Variants in PCBP3 observed in about 807,000 individuals in gnomAD.
PCBP3 encodes the protein poly(rC) binding protein 3, also known as poly(rC)-binding protein 3.
Under a neutral mutation model 52.7 loss-of-function variants are expected in PCBP3, and 25 were observed. That is an observed-to-expected ratio of 0.47 (90% confidence interval 0.35 to 0.66). The LOEUF is 0.66. Among genes scored for constraint, PCBP3 ranks in the 30% least tolerant of loss-of-function variants. PCBP3 has a pLI of 0.01. For synonymous variants in PCBP3, 162 were observed against 183.0 expected (o/e 0.89, Z 0.93); for missense variants, 391 against 490.3 (o/e 0.80, Z 1.91).
intron 2 of PCBP3, among the ~76,000 whole-genome samples, chr21:45,725,512 G>A: frequency 6.6e-6 from 1 of 152,220 alleles, no homozygotes; most frequent in East Asian, 1.9e-4. Flanking sequence ...AGAAGACTGT[G>A]GGGGCAGTGC....
intron 4 of PCBP3, among the ~76,000 whole-genome samples, chr21:45,772,949 T>A (rs2089990446): frequency 6.6e-6 from 1 of 152,190 alleles, no homozygotes; most frequent in Admixed American, 6.5e-5. Flanking sequence ...CCCTTTTGAT[T>A]GAGTTCCCTT....
chr21:45,809,441 A>T (rs2092612869), intron 4 of PCBP3, among the ~76,000 whole-genome samples: 1 of 152,152 alleles, frequency 6.6e-6, no homozygotes, highest in Non-Finnish European at 1.5e-5. Context: ...TACGGGAGAT[A>T]AAGAGGGGGT....
chr21:45,816,025 AGTG>A lies in PCBP3; in HGVS notation c.-125-33932_-125-33930del, dbSNP rs1480774343. Among the ~76,000 whole-genome samples the A allele has an allele frequency of 6.6e-4, 80 of 121,290 alleles. 1 individual carries two copies. The highest frequency in any genetic ancestry group is 5.4e-3 in the Middle Eastern group (1 of 184). 79.6% of individuals were successfully genotyped at this position (121,290 alleles called of 152,430 possible). A position where few individuals can be genotyped will look rare whatever the true frequency, so the allele number is the denominator to read the frequency against. ...AGTGGTGAGTGAGTGGTGAGTAGTG[AGTG>A]GTGAGTGGTGAGTGAGTGGTGAGTG... On this transcript the variant is annotated intron_variant, in intron 4 of 17. Transcript: ENST00000681687.
In PCBP3 at chr21:45,736,721, CAA is replaced by C. The variant is rs2085896141; in HGVS notation, c.-162+1294_-162+1295del. Reference sequence around the variant, plus strand: ...AGTTCTTACTAACAAATTACTTGAACAAAGACTTTGTTTGTTCCTTCATTCGT... The same window carrying C: ...AGTTCTTACTAACAAATTACTTGAACAGACTTTGTTTGTTCCTTCATTCGT... On this transcript the variant is annotated intron_variant, in intron 3 of 17. Transcript: ENST00000681687. The surrounding 1 kb of genome is among the most constrained non-coding windows in gnomAD (Gnocchi z 4.6). Among the ~76,000 whole-genome samples, 1 of 152,288 alleles carries C rather than the reference CAA, an allele frequency of 6.6e-6. No homozygotes were observed. Among genetic ancestry groups the C allele is most frequent in the Admixed American group, 6.5e-5 (1 of 15,294 alleles).
intron 13 of PCBP3, among the ~76,000 whole-genome samples, chr21:45,927,181 A>G (rs958244689): frequency 2.5e-4 from 36 of 143,486 alleles, no homozygotes; most frequent in African/African-American, 7.7e-4. Flanking sequence ...GTAGTTGTCT[A>G]TGTGTTACAT....
At chr21:45,684,396 A>G (rs541378685) in intron 2 of PCBP3, among the ~76,000 whole-genome samples, 4 of 152,290 alleles carry the variant, frequency 2.6e-5, no homozygotes, top group Admixed American at 6.5e-5. Context: ...ACTGCTTGAT[A>G]TAGTGTGGAT....
chr21:45,918,080 T>G, intron 13 of PCBP3: 1 of 260,344 alleles, frequency 3.8e-6, no homozygotes, highest in Non-Finnish European at 7.5e-6. Context: ...CCTTTCAGAG[T>G]CCACATGAAA....
chr21:45,864,284 CA>C (rs2148499821), intron 5 of PCBP3, among the ~76,000 whole-genome samples: 1 of 152,322 alleles, frequency 6.6e-6, no homozygotes, highest in Non-Finnish European at 1.5e-5. Flanking sequence ...TGAAGTCCAA[CA>C]TCCGAGTGAG....
chr21:45,774,496 T>G (rs1272614445), intron 4 of PCBP3, among the ~76,000 whole-genome samples: 2 of 152,196 alleles, frequency 1.3e-5, no homozygotes, highest in African/African-American at 4.8e-5. Context: ...CTTTTTCAAC[T>G]TGGTTTCCTT....
chr21:45,899,954 T>C (rs1184081482), intron 7 of PCBP3, among the ~76,000 whole-genome samples: 1 of 152,142 alleles, frequency 6.6e-6, no homozygotes, highest in East Asian at 1.9e-4. Context: ...GCCGGCTGTG[T>C]AGTCTGGGTG....
At chr21:45,747,886 T>C (rs1242570983) in intron 3 of PCBP3, 1 of 152,358 alleles carries the variant, frequency 6.6e-6, no homozygotes, top group Non-Finnish European at 1.5e-5. Context: ...CTTCTCTGCT[T>C]TGCTTTTTTC....
At chr21:45,654,001 G>A (rs1056366036) in intron 1 of PCBP3, among the ~76,000 whole-genome samples, 4 of 152,006 alleles carry the variant, frequency 2.6e-5, no homozygotes, top group African/African-American at 9.7e-5. Flanking sequence ...TTTCTTAGAA[G>A]ACTTGAACTC....
At chr21:45,909,930 A>C (rs1603486699) in intron 10 of PCBP3, among the ~76,000 whole-genome samples, 4 of 49,748 alleles carry the variant, frequency 8.0e-5, no homozygotes, top group Non-Finnish European at 1.1e-4. Flanking sequence ...CCAGATATGG[A>C]CCCCCCCAAC....
chr21:45,657,069 C>T (rs1022795389), intron 1 of PCBP3, among the ~76,000 whole-genome samples: 1 of 152,172 alleles, frequency 6.6e-6, no homozygotes, highest in Non-Finnish European at 1.5e-5. Context: ...GATCCACCTG[C>T]CTCGGCCTCC....
chr21:45,908,730 T>C (rs2096267742), intron 9 of PCBP3, among the ~76,000 whole-genome samples: 1 of 152,170 alleles, frequency 6.6e-6, no homozygotes, highest in Non-Finnish European at 1.5e-5. Context: ...ACAGAAGCCC[T>C]GTCCCCCACG....
intron 2 of PCBP3, chr21:45,728,640 T>G (rs2085235513): frequency 6.6e-6 from 1 of 152,190 alleles, no homozygotes; most frequent in African/African-American, 2.4e-5. Flanking sequence ...AGTAAGAAAT[T>G]GATATTATTT....
At chr21:45,703,394 C>T (rs1277556819) in intron 2 of PCBP3, among the ~76,000 whole-genome samples, 1 of 152,218 alleles carries the variant, frequency 6.6e-6, no homozygotes, top group African/African-American at 2.4e-5. Context: ...CCGTGTCTTG[C>T]AGAATGGATG....
At chr21:45,794,298 C>A (rs898993841) in intron 4 of PCBP3, among the ~76,000 whole-genome samples, 63 of 152,292 alleles carry the variant, frequency 4.1e-4, no homozygotes, top group African/African-American at 1.3e-3. Flanking sequence ...TGCATGTAGT[C>A]CCAGCTACTC....
intron 5 of PCBP3, among the ~76,000 whole-genome samples, chr21:45,885,743 C>T (rs895721499): frequency 6.6e-6 from 1 of 152,176 alleles, no homozygotes; most frequent in Non-Finnish European, 1.5e-5. Flanking sequence ...ACTGGCTTCT[C>T]TGTGGAGGTA....
Sources: gnomAD v4.1 joint callset for allele counts (sites outside exome capture counted in the v4.1 genomes callset) on GRCh38, gnomAD v4.1.1 for gene constraint, Gnocchi (gnomAD v3.1) non-coding constraint, MANE v1.5 for transcripts, NCBI Gene and HGNC (gene_info 2026-07-23, HGNC 2026-07-21) for gene names.